The following PARD3B variants were observed in gnomAD, a reference collection of about 807,000 sequenced individuals.
PARD3B encodes partitioning defective 3 homolog B.
PARD3B carries 103 observed loss-of-function variants against 130.2 expected under a neutral mutation model. The observed-to-expected ratio is 0.79, with a 90% confidence interval of 0.67 to 0.93. The LOEUF (loss-of-function observed/expected upper bound fraction) is 0.93. Among genes scored for constraint, PARD3B ranks in the 40% least tolerant of loss-of-function variants. The probability of loss-of-function intolerance (pLI) is 0.00; values close to 1 mark genes in which losing one functional copy is unlikely to be tolerated. For missense variants in PARD3B, 1,609 were observed against 1,499.2 expected (o/e 1.07, Z -1.21); for synonymous variants, 583 against 553.2 (o/e 1.05, Z -0.76).
chr2:204,699,383 C>G (rs2037774332), intron 2 of PARD3B, among the ~76,000 whole-genome samples: 1 of 152,132 alleles, frequency 6.6e-6, no homozygotes, highest in African/African-American at 2.4e-5. Context: ...ACATTGAAAT[C>G]ACAATCACTC....
chr2:204,759,762 A>G (rs2125405253), intron 2 of PARD3B, among the ~76,000 whole-genome samples: 2 of 152,226 alleles, frequency 1.3e-5, no homozygotes, highest in East Asian at 3.9e-4. Flanking sequence ...ATATTCCCAC[A>G]ACTGTTTATG....
intron 19 of PARD3B, among the ~76,000 whole-genome samples, chr2:205,402,965 G>A (rs945528614): frequency 1.3e-5 from 2 of 152,170 alleles, no homozygotes; most frequent in Non-Finnish European, 2.9e-5. Context: ...GGATGGTGGA[G>A]GTGGAGGCTG....
At chr2:204,996,451 G>A (rs986306510) in intron 3 of PARD3B, among the ~76,000 whole-genome samples, 5 of 152,192 alleles carry the variant, frequency 3.3e-5, no homozygotes, top group Admixed American at 2.6e-4. Context: ...CAGATCTCCA[G>A]CTGCGTGCTG....
intron 16 of PARD3B, among the ~76,000 whole-genome samples, chr2:205,248,971 A>G (rs547802612): frequency 2.0e-5 from 3 of 150,056 alleles, no homozygotes; most frequent in East Asian, 2.0e-4. Context: ...CCCTTTTCCA[A>G]ATTCTTTCTT....
At chr2:204,712,316 T>A (rs974454309) in intron 2 of PARD3B, among the ~76,000 whole-genome samples, 5 of 151,982 alleles carry the variant, frequency 3.3e-5, no homozygotes, top group African/African-American at 1.2e-4. Flanking sequence ...ATTCTGACAT[T>A]GTTAAAATTA....
chr2:205,543,980 A>G (rs957523706), intron 21 of PARD3B, among the ~76,000 whole-genome samples: 3 of 152,212 alleles, frequency 2.0e-5, no homozygotes, highest in Non-Finnish European at 4.4e-5. Context: ...ATGAACTAGT[A>G]TATCATTTAA....
At chr2:205,515,772 T>G (rs1269498343) in intron 21 of PARD3B, among the ~76,000 whole-genome samples, 1 of 151,828 alleles carries the variant, frequency 6.6e-6, no homozygotes, top group East Asian at 1.9e-4. Flanking sequence ...TGATAGCTTC[T>G]TTTGCTGTGC....
intron 3 of PARD3B, among the ~76,000 whole-genome samples, chr2:205,034,847 G>T (rs1697688298): frequency 6.6e-6 from 1 of 151,974 alleles, no homozygotes; most frequent in Non-Finnish European, 1.5e-5. Context: ...TTGGCCATGT[G>T]TTCTTTTTTT....
chr2:204,856,377 C>T (rs1313606779), intron 2 of PARD3B, among the ~76,000 whole-genome samples: 1 of 152,082 alleles, frequency 6.6e-6, no homozygotes, highest in Non-Finnish European at 1.5e-5. Context: ...ATCCTTTGCC[C>T]ATTTTTAAAA....
chr2:205,234,763 T>A (rs1001599831), intron 15 of PARD3B, among the ~76,000 whole-genome samples: 8 of 152,188 alleles, frequency 5.3e-5, no homozygotes, highest in Middle Eastern at 3.4e-3. Flanking sequence ...CATAGAACAT[T>A]TAACAGGACA....
intron 18 of PARD3B, among the ~76,000 whole-genome samples, chr2:205,362,327 T>C (rs1211446223): frequency 6.6e-6 from 1 of 152,222 alleles, no homozygotes; most frequent in Non-Finnish European, 1.5e-5. Flanking sequence ...TTTATTTCTG[T>C]TGTTCAATCA....
chr2:205,471,443 C>T (rs2048831057), intron 20 of PARD3B, among the ~76,000 whole-genome samples: 1 of 148,078 alleles, frequency 6.8e-6, no homozygotes, highest in African/African-American at 2.5e-5. Flanking sequence ...CTCACTGCAA[C>T]CTCTGCCTCC....
chr2:204,785,603 T>C (rs1425660399), intron 2 of PARD3B, among the ~76,000 whole-genome samples: 2 of 152,230 alleles, frequency 1.3e-5, no homozygotes, highest in Admixed American at 6.5e-5. Context: ...ATGAGAGTTA[T>C]GTGTATTGGT....
intron 21 of PARD3B, among the ~76,000 whole-genome samples, chr2:205,523,255 A>ATATT (rs2051172107): frequency 6.8e-6 from 1 of 147,386 alleles, no homozygotes; most frequent in Non-Finnish European, 1.5e-5. Context: ...ATATATATAT[A>ATATT]TATTTTTGAG....
intron 1 of PARD3B, among the ~76,000 whole-genome samples, chr2:204,635,588 T>C (rs1226873106): frequency 6.6e-6 from 1 of 152,156 alleles, no homozygotes; most frequent in Non-Finnish European, 1.5e-5. Flanking sequence ...GCTACATATG[T>C]TGACAGGAAG....
intron 15 of PARD3B, among the ~76,000 whole-genome samples, chr2:205,232,810 C>G (rs1177372133): frequency 1.3e-5 from 2 of 151,940 alleles, no homozygotes; most frequent in Non-Finnish European, 2.9e-5. Context: ...GGAAACCAGA[C>G]AAGTGAATAT....
intron 1 of PARD3B, among the ~76,000 whole-genome samples, chr2:204,556,709 T>A (rs534753134): frequency 6.6e-6 from 1 of 152,274 alleles, no homozygotes; most frequent in African/African-American, 2.4e-5. Context: ...TTAATGTAGC[T>A]CTCCATTTTG....
rs552421106 is a variant in PARD3B, at chr2:205,538,163, CA to C, written c.3181-15158del. Reference sequence around the variant, plus strand: ...CAACAGAGAAGGAAAAACAAAAACACAAACCATCTCCTTATAACAGTCTAGG... The same window carrying C: ...CAACAGAGAAGGAAAAACAAAAACACAACCATCTCCTTATAACAGTCTAGG... On this transcript the variant is annotated intron_variant, in intron 21 of 22. Coordinates refer to ENST00000406610, the MANE Select transcript of PARD3B (RefSeq NM_001302769.2). Among the ~76,000 whole-genome samples, 76 of 152,270 alleles carry C rather than the reference CA, an allele frequency of 5.0e-4. 1 individual carries two copies. Among genetic ancestry groups the C allele is most frequent in the African/African-American group, 1.8e-3 (73 of 41,568 alleles).
chr2:204,727,694 AAG>A (rs2039298229), intron 2 of PARD3B, among the ~76,000 whole-genome samples: 2 of 152,186 alleles, frequency 1.3e-5, no homozygotes, highest in Non-Finnish European at 1.5e-5. Flanking sequence ...CGTATTTAAT[AAG>A]CTGTAGCAGG....
Sources: allele counts gnomAD v4.1 joint callset (sites outside exome capture counted in the v4.1 genomes callset), GRCh38; gene constraint gnomAD v4.1.1; transcripts MANE v1.5; gene names NCBI Gene and HGNC (gene_info 2026-07-23, HGNC 2026-07-21).